Variants in TMEM135 observed in about 807,000 individuals in gnomAD.
TMEM135 encodes the protein peroxisomal membrane protein 52.
Under a neutral mutation model 60.3 loss-of-function variants are expected in TMEM135, and 30 were observed. That is an observed-to-expected ratio of 0.50 (90% confidence interval 0.37 to 0.68). The LOEUF (loss-of-function observed/expected upper bound fraction) is 0.68, where lower values mean the gene tolerates loss of function less well. Ranked by LOEUF, TMEM135 falls within the 30% of genes least tolerant of loss-of-function variation. The pLI, the probability that TMEM135 is intolerant of heterozygous loss-of-function variation, is 0.00. For missense variants in TMEM135, 468 were observed against 548.8 expected (o/e 0.85, Z 1.47); for synonymous variants, 190 against 186.7 (o/e 1.02, Z -0.14).
chr11:87,236,095 C>T (rs1301674212), intron 5 of TMEM135, among the ~76,000 whole-genome samples: 1 of 151,850 alleles, frequency 6.6e-6, no homozygotes, highest in African/African-American at 2.4e-5. Flanking sequence ...GTTAAGCTTG[C>T]ATGTTTAGGC....
At chr11:87,045,847 A>AG (rs1360809291) in intron 1 of TMEM135, among the ~76,000 whole-genome samples, 20 of 152,334 alleles carry the variant, frequency 1.3e-4, no homozygotes, top group African/African-American at 4.3e-4. Flanking sequence ...ATCTGAACCT[A>AG]GACTATTGGT....
At chr11:87,154,858 T>G (rs1443369363) in intron 4 of TMEM135, among the ~76,000 whole-genome samples, 1 of 152,280 alleles carries the variant, frequency 6.6e-6, no homozygotes, top group East Asian at 1.9e-4. Flanking sequence ...GAGTTCCTAA[T>G]ATACTCTGGA....
At chr11:87,068,620 C>G (rs1157863259) in intron 2 of TMEM135, among the ~76,000 whole-genome samples, 1 of 151,912 alleles carries the variant, frequency 6.6e-6, no homozygotes, top group Non-Finnish European at 1.5e-5. Flanking sequence ...GCCATCCTGG[C>G]TAACATGGTG....
At chr11:87,070,551 G>T (rs1038218414) in intron 2 of TMEM135, among the ~76,000 whole-genome samples, 6 of 151,914 alleles carry the variant, frequency 3.9e-5, no homozygotes, top group African/African-American at 1.2e-4. Context: ...TAGGAGAATC[G>T]CTTGAACCCA....
chr11:87,079,707 T>TTAGGGTTC (rs1308884786), intron 3 of TMEM135, among the ~76,000 whole-genome samples: 1 of 151,904 alleles, frequency 6.6e-6, no homozygotes, highest in Non-Finnish European at 1.5e-5. Context: ...ATGCTCTTTG[T>TTAGGGTTC]TAGGGTTAGG....
intron 5 of TMEM135, among the ~76,000 whole-genome samples, chr11:87,216,317 C>T (rs768767614): frequency 6.6e-6 from 1 of 151,916 alleles, no homozygotes; most frequent in Non-Finnish European, 1.5e-5. Context: ...AAGTTAAGTG[C>T]ATGGTGGGTG....
chr11:87,132,613 C>G (rs1044285974), intron 4 of TMEM135, among the ~76,000 whole-genome samples: 9 of 152,214 alleles, frequency 5.9e-5, no homozygotes, highest in African/African-American at 2.2e-4. Context: ...AGATAAACCT[C>G]TCAATATATG....
At chr11:87,198,458 A>G in intron 5 of TMEM135, among the ~76,000 whole-genome samples, 1 of 151,988 alleles carries the variant, frequency 6.6e-6, no homozygotes, top group East Asian at 1.9e-4. Flanking sequence ...TGAGCTGAAA[A>G]TGTCTGTTGT....
chr11:87,193,541 G>T (rs576385638), intron 5 of TMEM135, among the ~76,000 whole-genome samples: 1 of 151,942 alleles, frequency 6.6e-6, no homozygotes, highest in Non-Finnish European at 1.5e-5. Flanking sequence ...GAAAATCACT[G>T]TTTTTGGTGG....
At chr11:87,116,583 T>C (rs1259687803) in intron 4 of TMEM135, among the ~76,000 whole-genome samples, 1 of 151,868 alleles carries the variant, frequency 6.6e-6, no homozygotes, top group Non-Finnish European at 1.5e-5. Context: ...AATTGATTAA[T>C]ATCTATTAAG....
chr11:87,237,885 T>A (rs556895968), intron 6 of TMEM135, among the ~76,000 whole-genome samples: 58 of 152,110 alleles, frequency 3.8e-4, no homozygotes, highest in Non-Finnish European at 7.4e-4. Context: ...TGTTTTGATT[T>A]TTAGATCCCA....
At chr11:87,296,634 AGGTTATT>A (rs1460813854) in intron 7 of TMEM135, among the ~76,000 whole-genome samples, 8 of 152,174 alleles carry the variant, frequency 5.3e-5, no homozygotes, top group Non-Finnish European at 1.0e-4. Context: ...AATTGTCTCA[AGGTTATT>A]TTGAGGATCA....
intron 10 of TMEM135, among the ~76,000 whole-genome samples, chr11:87,310,340 A>G (rs938641341): frequency 6.6e-6 from 1 of 152,162 alleles, no homozygotes; most frequent in African/African-American, 2.4e-5. Context: ...TGGAATCACT[A>G]ATATGTAAAT....
At chr11:87,289,719 G>C (rs915735997) in intron 6 of TMEM135, among the ~76,000 whole-genome samples, 1 of 152,122 alleles carries the variant, frequency 6.6e-6, no homozygotes, top group African/African-American at 2.4e-5. Flanking sequence ...GCTTCCCAAA[G>C]TGCTGGGATT....
chr11:87,089,911 A>G (rs750272505), intron 3 of TMEM135, among the ~76,000 whole-genome samples: 3 of 152,212 alleles, frequency 2.0e-5, no homozygotes, highest in Non-Finnish European at 4.4e-5. Flanking sequence ...AAGTGATTTT[A>G]TTATTATTTT....
At chr11:87,091,809 A>G (rs1399405632) in intron 4 of TMEM135, among the ~76,000 whole-genome samples, 5 of 152,122 alleles carry the variant, frequency 3.3e-5, no homozygotes, top group African/African-American at 9.6e-5. Context: ...TAAAAACAAC[A>G]TTGGTACTAT....
chr11:87,223,915 A>G, intron 5 of TMEM135, among the ~76,000 whole-genome samples: 1 of 152,202 alleles, frequency 6.6e-6, no homozygotes, highest in East Asian at 1.9e-4. Context: ...TTCTGACTGA[A>G]GAAATGATAA....
chr11:87,310,235 G>C (rs1422034637), intron 10 of TMEM135, among the ~76,000 whole-genome samples: 1 of 152,040 alleles, frequency 6.6e-6, no homozygotes, highest in Non-Finnish European at 1.5e-5. Flanking sequence ...TCCTATAAAA[G>C]TGTCCATACA....
intron 4 of TMEM135, among the ~76,000 whole-genome samples, chr11:87,131,803 A>G (rs1010310738): frequency 3.3e-5 from 5 of 152,170 alleles, no homozygotes; most frequent in African/African-American, 9.7e-5. Context: ...GGGCCATACA[A>G]CAGGAGGTGA....
Sources: gnomAD v4.1 joint callset for allele counts (sites outside exome capture counted in the v4.1 genomes callset) on GRCh38, gnomAD v4.1.1 for gene constraint, MANE v1.5 for transcripts, NCBI Gene and HGNC (gene_info 2026-07-23, HGNC 2026-07-21) for gene names.